The following BCKDHB variants were observed in gnomAD, a reference collection of about 807,000 sequenced individuals.
The protein encoded by BCKDHB is branched chain keto acid dehydrogenase E1 subunit beta.
BCKDHB carries 41 observed loss-of-function variants against 48.5 expected under a neutral mutation model. The ratio of observed to expected loss-of-function variants is 0.85; its 90% confidence interval spans 0.66 to 1.10. The LOEUF (loss-of-function observed/expected upper bound fraction) is 1.10. Ranked by LOEUF, BCKDHB falls within the 50% of genes least tolerant of loss-of-function variation. BCKDHB has a pLI of 0.00. For missense variants in BCKDHB, 496 were observed against 494.2 expected, an observed-to-expected ratio of 1.00 and a Z score of -0.03; for synonymous variants, 201 against 174.8, an observed-to-expected ratio of 1.15 and a Z score of -1.18.
the BCKDHB span, among the ~76,000 whole-genome samples, chr6:80,443,134 T>C: frequency 6.6e-6 from 1 of 152,088 alleles, no homozygotes; most frequent in African/African-American, 2.4e-5. Context: ...GCTCTAAGCA[T>C]CCCTTTTCCC....
chr6:80,378,344 C>T, the BCKDHB span, among the ~76,000 whole-genome samples: 1 of 152,070 alleles, frequency 6.6e-6, no homozygotes, highest in African/African-American at 2.4e-5. Flanking sequence ...TTTGATTTTC[C>T]ACTTTTGAGT....
intron 9 of BCKDHB, among the ~76,000 whole-genome samples, chr6:80,317,284 T>C (rs140048452): frequency 3.9e-5 from 6 of 152,338 alleles, no homozygotes; most frequent in Non-Finnish European, 7.4e-5. Flanking sequence ...ACAGATTTAA[T>C]GTCTTACAGT....
intron 3 of BCKDHB, among the ~76,000 whole-genome samples, chr6:80,140,933 C>A (rs1352224577): frequency 6.6e-6 from 1 of 152,126 alleles, no homozygotes; most frequent in African/African-American, 2.4e-5. Flanking sequence ...CCATCTGGTC[C>A]TGGACTCTTT....
the BCKDHB span, among the ~76,000 whole-genome samples, chr6:80,450,091 AG>A: frequency 1.3e-5 from 2 of 152,112 alleles, no homozygotes; most frequent in African/African-American, 4.8e-5. Flanking sequence ...TGGAGTATGA[AG>A]AAAAAATGGC....
the BCKDHB span, among the ~76,000 whole-genome samples, chr6:80,388,980 A>C: frequency 6.6e-6 from 1 of 152,210 alleles, no homozygotes; most frequent in African/African-American, 2.4e-5. Flanking sequence ...CAATGGTTTC[A>C]CTGGCTGGTC....
intron 9 of BCKDHB, among the ~76,000 whole-genome samples, chr6:80,332,929 A>C (rs1769391332): frequency 1.2e-4 from 1 of 8,414 alleles, no homozygotes; most frequent in Non-Finnish European, 4.7e-4. Context: ...CTAAAAAGAA[A>C]AAAAAAAAAA....
chr6:80,440,013 C>T, the BCKDHB span, among the ~76,000 whole-genome samples: 1 of 152,052 alleles, frequency 6.6e-6, no homozygotes, highest in Non-Finnish European at 1.5e-5. Flanking sequence ...ATAAAATGGC[C>T]ATGTGAAAAG....
chr6:80,222,052 T>G (rs1247580081), intron 8 of BCKDHB, among the ~76,000 whole-genome samples: 1 of 152,220 alleles, frequency 6.6e-6, no homozygotes, highest in Non-Finnish European at 1.5e-5. Flanking sequence ...TTCTAGTGTA[T>G]GTACCCATTA....
At chr6:80,387,772 G>T in the BCKDHB span, among the ~76,000 whole-genome samples, 3 of 152,326 alleles carry the variant, frequency 2.0e-5, no homozygotes, top group African/African-American at 7.2e-5. Flanking sequence ...CTCTGACTTT[G>T]TGTCATAATC....
At chr6:80,415,425 T>A in the BCKDHB span, among the ~76,000 whole-genome samples, 5,951 of 152,240 alleles carry the variant, frequency 0.039, 394 homozygotes, top group African/African-American at 0.13. Context: ...TAGATGGTCC[T>A]TATTATTTTG....
chr6:80,117,488 C>T (rs942162259), intron 1 of BCKDHB, among the ~76,000 whole-genome samples: 2 of 152,228 alleles, frequency 1.3e-5, no homozygotes, highest in Admixed American at 1.3e-4. Flanking sequence ...GCCCCCAAAT[C>T]TGGCCATAAA....
chr6:80,326,400 T>C (rs1021104340), intron 9 of BCKDHB, among the ~76,000 whole-genome samples: 1 of 152,142 alleles, frequency 6.6e-6, no homozygotes, highest in Admixed American at 6.5e-5. Context: ...GAAATTCTGT[T>C]TTATGTCTGT....
At chr6:80,423,098 C>G in the BCKDHB span, among the ~76,000 whole-genome samples, 1 of 152,154 alleles carries the variant, frequency 6.6e-6, no homozygotes, top group African/African-American at 2.4e-5. Context: ...ATGATTGTAT[C>G]ATGGGCGTGG....
chr6:80,175,063 G>A (rs935036155), intron 6 of BCKDHB, among the ~76,000 whole-genome samples: 1 of 152,174 alleles, frequency 6.6e-6, no homozygotes, highest in African/African-American at 2.4e-5. Context: ...TCCAGGGCTA[G>A]TGTGATAGTT....
At chr6:80,224,892 C>T (rs908638586) in intron 8 of BCKDHB, among the ~76,000 whole-genome samples, 1 of 152,204 alleles carries the variant, frequency 6.6e-6, no homozygotes, top group African/African-American at 2.4e-5. Context: ...GACACCCTGA[C>T]AGATGGTTGC....
intron 3 of BCKDHB, among the ~76,000 whole-genome samples, chr6:80,155,839 GTT>G (rs377189940): frequency 1.7e-4 from 19 of 110,046 alleles, no homozygotes; most frequent in African/African-American, 4.3e-4. Flanking sequence ...ATGCAAAGTT[GTT>G]TTTTTTTTTT....
Position 80,180,565 on chromosome 6 carries a change from A to T in BCKDHB, c.742+9175A>T, listed in dbSNP as rs76186381. 9.1e-3 allele frequency among the ~76,000 whole-genome samples: 1,385 copies of T among 152,346 alleles called. 27 individuals are homozygous for T. The highest frequency in any genetic ancestry group is 0.031 in the African/African-American group (1,295 of 41,578). Reference sequence around the variant, plus strand: ...GTGATTCTTCTAGTGGGAAATCAAGACAGACTAAAAGACTAAAATCCTTGT... The same window carrying T: ...GTGATTCTTCTAGTGGGAAATCAAGTCAGACTAAAAGACTAAAATCCTTGT... On this transcript the variant is annotated intron_variant, in intron 6 of 9. Coordinates refer to ENST00000320393, the MANE Select transcript of BCKDHB (RefSeq NM_183050.4).
chr6:80,332,706 TA>T (rs201659861), intron 9 of BCKDHB, among the ~76,000 whole-genome samples: 10,701 of 139,396 alleles, frequency 0.077, 406 homozygotes, highest in East Asian at 0.12. Flanking sequence ...ACCCTTATAG[TA>T]AAAAAAAAAA....
intron 8 of BCKDHB, among the ~76,000 whole-genome samples, chr6:80,253,403 A>G (rs1268996457): frequency 6.6e-6 from 1 of 152,194 alleles, no homozygotes; most frequent in African/African-American, 2.4e-5. Flanking sequence ...TAGGCAAATG[A>G]GTTTTTGGAC....
Sources: gnomAD v4.1 joint callset for allele counts (sites outside exome capture counted in the v4.1 genomes callset) on GRCh38, gnomAD v4.1.1 for gene constraint, MANE v1.5 for transcripts, NCBI Gene and HGNC (gene_info 2026-07-23, HGNC 2026-07-21) for gene names.